TENM3: variants seen among roughly 807,000 people sequenced by gnomAD.
TENM3 encodes teneurin-3.
TENM3 carries 63 observed loss-of-function variants against 255.1 expected under a neutral mutation model. The observed-to-expected ratio is 0.25, with a 90% CI of 0.20 to 0.30. The LOEUF is 0.30. Among genes scored for constraint, TENM3 ranks in the 10% least tolerant of loss-of-function variants. The probability of loss-of-function intolerance (pLI) is 1.00; values close to 1 mark genes in which losing one functional copy is unlikely to be tolerated. For synonymous variants in TENM3, 1,306 were observed against 1,322.3 expected (o/e 0.99, Z 0.27); for missense variants, 2,929 against 3,461.1 (o/e 0.85, Z 3.86).
chr4:182,792,927 C>T lies in TENM3; in HGVS notation c.6255C>T (p.Gly2085=), dbSNP rs1264670497. ...MTYTKHFDAH[G]RIKEIQYEIF... is the part of the protein sequence containing the mutation. ...ATACGAAGCACTTTGATGCTCATGG[C>T]CGTATCAAGGAGATTCAATATGAGA... Residue 2085 remains glycine, a synonymous_variant, in exon 26 of 28, where the codon GGC becomes GGT. Transcript: ENST00000511685. The surrounding 1 kb of genome is among the most constrained non-coding windows in gnomAD (Gnocchi z 6.3). 2 of 1,613,636 alleles carry T rather than the reference C, an allele frequency of 1.2e-6. No homozygotes were observed. Among genetic ancestry groups the T allele is most frequent in the Non-Finnish European group, 8.5e-7 (1 of 1,179,726 alleles).
chr4:182,443,830 G>C (rs1772692981), intron 3 of TENM3, among the ~76,000 whole-genome samples: 1 of 152,212 alleles, frequency 6.6e-6, no homozygotes, highest in Non-Finnish European at 1.5e-5. Flanking sequence ...TTAAGGACCA[G>C]TGCTTTTGGC....
chr4:182,789,336 G>A lies in TENM3; in HGVS notation c.5548G>A (p.Val1850Met), dbSNP rs748357813. Reference sequence around the variant, plus strand: ...AGATTATGACGGACAGGGGAGGATCGTGTCTCGGGTCTTTGCTGATGGTAA... The same window carrying A: ...AGATTATGACGGACAGGGGAGGATCATGTCTCGGGTCTTTGCTGATGGTAA... ...KVDYDGQGRI[V>M]SRVFADGKTW... The change falls in exon 25 of 28, where the codon GTG (valine) becomes ATG (methionine). Residue 1850 changes from valine (V) to methionine (M), a missense_variant. By Grantham distance (21) the Val-to-Met change is conservative. Around this residue, in one of 6 missense-constraint regions of TENM3, gnomAD observed 303 missense variants for 425.2 expected, o/e 0.71. Transcript: ENST00000511685. This position sits in a 1 kb window ranked among gnomAD's most constrained non-coding sequence, Gnocchi z 4.4. 17 of 1,613,702 alleles carry A rather than the reference G, an allele frequency of 1.1e-5. No homozygotes were observed. The highest frequency in any genetic ancestry group is 2.2e-5 in the South Asian group (2 of 90,986).
chr4:182,357,145 C>G (rs13113422), intron 3 of TENM3, among the ~76,000 whole-genome samples: 25,489 of 151,962 alleles, frequency 0.17, 2,336 homozygotes, highest in Non-Finnish European at 0.2. Context: ...GGTTCCAAGT[C>G]TTTGCTATTG....
At chr4:181,802,129 C>T in the TENM3 span, among the ~76,000 whole-genome samples, 6 of 152,110 alleles carry the variant, frequency 3.9e-5, no homozygotes, top group African/African-American at 9.7e-5. Flanking sequence ...TTTCATTGAT[C>T]GCAGTTTAAC....
the TENM3 span, among the ~76,000 whole-genome samples, chr4:181,891,947 G>A: frequency 3.3e-5 from 5 of 152,020 alleles, no homozygotes; most frequent in Admixed American, 6.6e-5. Flanking sequence ...GGTACCCTTC[G>A]AAAAGGACTT....
chr4:182,200,196 A>C (rs1674417766), intron 1 of TENM3, among the ~76,000 whole-genome samples: 1 of 152,188 alleles, frequency 6.6e-6, no homozygotes, highest in Non-Finnish European at 1.5e-5. Context: ...TTCTTGCATA[A>C]TCATAGAAAA....
chr4:182,118,227 A>G, the TENM3 span, among the ~76,000 whole-genome samples: 1 of 152,040 alleles, frequency 6.6e-6, no homozygotes, highest in Non-Finnish European at 1.5e-5. Context: ...GTCATGCACG[A>G]ACAGAGACAG....
intron 3 of TENM3, among the ~76,000 whole-genome samples, chr4:182,375,536 T>A: frequency 6.6e-6 from 1 of 152,146 alleles, no homozygotes; most frequent in Non-Finnish European, 1.5e-5. Flanking sequence ...TGTGGATGGT[T>A]TTTATTTTTA....
At chr4:182,589,519 C>G (rs1267706354) in intron 3 of TENM3, among the ~76,000 whole-genome samples, 1 of 149,876 alleles carries the variant, frequency 6.7e-6, no homozygotes, top group South Asian at 2.1e-4. Flanking sequence ...ATACACTTAC[C>G]CCAAGTTTGG....
chr4:181,512,872 C>T, the TENM3 span, among the ~76,000 whole-genome samples: 18,496 of 152,098 alleles, frequency 0.12, 1,195 homozygotes, highest in East Asian at 0.26. Context: ...GCATATTAGA[C>T]GCATATTTAT....
chr4:181,794,666 C>CTGTATGTGTG, the TENM3 span, among the ~76,000 whole-genome samples: 1 of 142,900 alleles, frequency 7.0e-6, no homozygotes, highest in Non-Finnish European at 1.5e-5. Flanking sequence ...AATAATATCC[C>CTGTATGTGTG]TGTGTGTGTG....
the TENM3 span, among the ~76,000 whole-genome samples, chr4:181,585,043 A>G: frequency 6.6e-6 from 1 of 151,400 alleles, no homozygotes; most frequent in Non-Finnish European, 1.5e-5. Context: ...CAATCATCCA[A>G]TTACTTACCC....
At chr4:181,964,967 G>A in the TENM3 span, among the ~76,000 whole-genome samples, 1 of 152,252 alleles carries the variant, frequency 6.6e-6, no homozygotes, top group South Asian at 2.1e-4. Flanking sequence ...ACAATCTAAA[G>A]TGTCTACGCC....
intron 1 of TENM3, among the ~76,000 whole-genome samples, chr4:182,210,890 C>T (rs1048721153): frequency 3.9e-5 from 6 of 152,168 alleles, no homozygotes; most frequent in Non-Finnish European, 7.4e-5. Flanking sequence ...GATGACCCTA[C>T]AAGGAAGGTC....
chr4:181,479,567 A>G, the TENM3 span, among the ~76,000 whole-genome samples: 7 of 152,078 alleles, frequency 4.6e-5, no homozygotes, highest in Non-Finnish European at 1.0e-4. Context: ...ACTTTATTCT[A>G]CTGTCATAAA....
chr4:182,381,061 C>T (rs1018001762), intron 3 of TENM3, among the ~76,000 whole-genome samples: 3 of 152,204 alleles, frequency 2.0e-5, no homozygotes, highest in African/African-American at 7.2e-5. Context: ...TGAGTCTCTC[C>T]GTACCCCTGA....
the TENM3 span, among the ~76,000 whole-genome samples, chr4:182,101,728 A>G: frequency 6.6e-6 from 1 of 152,120 alleles, no homozygotes; most frequent in Non-Finnish European, 1.5e-5. Flanking sequence ...ACTAATAATA[A>G]TGTAGTGGAT....
intron 5 of TENM3, among the ~76,000 whole-genome samples, chr4:182,646,880 G>A (rs983680194): frequency 3.3e-5 from 5 of 152,186 alleles, no homozygotes; most frequent in African/African-American, 1.2e-4. Context: ...AGTATGTATT[G>A]TGGTCTCTTC....
chr4:182,693,947 C>T (rs747434602), intron 12 of TENM3, among the ~76,000 whole-genome samples: 3 of 152,078 alleles, frequency 2.0e-5, no homozygotes, highest in Non-Finnish European at 2.9e-5. Context: ...ACAAGAACAA[C>T]AGAACAAAAC....
Sources: allele counts gnomAD v4.1 joint callset (sites outside exome capture counted in the v4.1 genomes callset), GRCh38; gene constraint gnomAD v4.1.1; regional missense constraint gnomAD v4.1.1; non-coding constraint Gnocchi (gnomAD v3.1); transcripts MANE v1.5; gene names NCBI Gene and HGNC (gene_info 2026-07-23, HGNC 2026-07-21).